CSMD1: variants seen among roughly 807,000 people sequenced by gnomAD.
CSMD1 encodes the protein CUB and sushi domain-containing protein 1.
In CSMD1, 213 loss-of-function variants were observed where a neutral mutation model predicts 417.5. The observed-to-expected ratio is 0.51, with a 90% confidence interval of 0.46 to 0.57. The LOEUF (loss-of-function observed/expected upper bound fraction) is 0.57. Ranked by LOEUF, CSMD1 falls within the 20% of genes least tolerant of loss-of-function variation. The pLI is 0.00. For synonymous variants in CSMD1, 2,862 were observed against 1,736.8 expected (o/e 1.65, Z -16.11); for missense variants, 6,923 against 4,529.7 (o/e 1.53, Z -15.17).
intron 3 of CSMD1, among the ~76,000 whole-genome samples, chr8:4,291,865 G>C (rs1021943732): frequency 1.3e-5 from 2 of 152,158 alleles, no homozygotes; most frequent in Admixed American, 6.5e-5. Flanking sequence ...TGTGAAATTA[G>C]AAGTTTCCTT....
intron 11 of CSMD1, among the ~76,000 whole-genome samples, chr8:3,474,829 T>C (rs919673399): frequency 6.6e-6 from 1 of 152,210 alleles, no homozygotes; most frequent in East Asian, 1.9e-4. Flanking sequence ...GTTGACTCTA[T>C]AGTACATATT....
At chr8:4,795,020 A>T (rs1411309929) in intron 1 of CSMD1, among the ~76,000 whole-genome samples, 4 of 151,614 alleles carry the variant, frequency 2.6e-5, no homozygotes. Flanking sequence ...AAGGTCAAAG[A>T]AAGATGTGGG....
chr8:3,307,284 T>G (rs745629016), intron 25 of CSMD1, among the ~76,000 whole-genome samples: 6 of 151,608 alleles, frequency 4.0e-5, no homozygotes, highest in Non-Finnish European at 7.4e-5. Flanking sequence ...AGAAGCCTGG[T>G]GTGCAGGGGC....
chr8:3,198,358 G>C (rs1421875674), intron 33 of CSMD1, among the ~76,000 whole-genome samples: 1 of 152,224 alleles, frequency 6.6e-6, no homozygotes, highest in African/African-American at 2.4e-5. Flanking sequence ...GTCTAAACGT[G>C]ATTCTGCTTT....
intron 26 of CSMD1, among the ~76,000 whole-genome samples, chr8:3,246,185 C>T (rs1271196119): frequency 1.3e-5 from 2 of 152,126 alleles, no homozygotes; most frequent in Non-Finnish European, 2.9e-5. Context: ...ACACCTGGAT[C>T]TGCTGGTCCC....
chr8:4,233,617 T>G (rs934232215), intron 3 of CSMD1, among the ~76,000 whole-genome samples: 59 of 152,242 alleles, frequency 3.9e-4, no homozygotes, highest in African/African-American at 1.3e-3. Context: ...CAGGACACCT[T>G]GATCTTGGAC....
At chr8:3,898,604 G>A (rs569984447) in intron 5 of CSMD1, among the ~76,000 whole-genome samples, 2 of 152,316 alleles carry the variant, frequency 1.3e-5, no homozygotes, top group East Asian at 3.9e-4. Flanking sequence ...CCTGGGGGCT[G>A]AATGTTTACT....
At chr8:4,294,757 A>G (rs1797568459) in intron 3 of CSMD1, among the ~76,000 whole-genome samples, 1 of 152,064 alleles carries the variant, frequency 6.6e-6, no homozygotes, top group Non-Finnish European at 1.5e-5. Context: ...ATGACTTTCT[A>G]AATTTATTTG....
intron 1 of CSMD1, among the ~76,000 whole-genome samples, chr8:4,640,120 A>G (rs1274994029): frequency 1.3e-5 from 2 of 152,236 alleles, no homozygotes; most frequent in South Asian, 2.1e-4. Context: ...ATGAACAGAT[A>G]TGAAGATTTC....
Position 2,973,367 on chromosome 8 carries a change from C to G in CSMD1, c.8741-68G>C, listed in dbSNP as rs544826560. 23 of 1,453,212 alleles carry G rather than the reference C, an allele frequency of 1.6e-5. No individual in the cohort carries two copies. In the African/African-American group the frequency reaches 3.1e-4, roughly 20 times the overall value. The allele number at this position is 1,453,212 out of a possible 1,614,324, so 90.0% of individuals were successfully genotyped here. Reference sequence around the variant, plus strand: ...ACTTGTTTTAAGCAGAGTTGTCACACTTAAAGATAATGAAAAGTTGTTGAA... The same window carrying G: ...ACTTGTTTTAAGCAGAGTTGTCACAGTTAAAGATAATGAAAAGTTGTTGAA... On this transcript the variant is annotated intron_variant, in intron 56 of 69. Transcript: ENST00000635120.
intron 1 of CSMD1, among the ~76,000 whole-genome samples, chr8:4,840,350 A>G (rs1800770972): frequency 6.6e-6 from 1 of 152,244 alleles, no homozygotes; most frequent in Non-Finnish European, 1.5e-5. Flanking sequence ...TAATGCAATG[A>G]TGATAACTGT....
At chr8:4,415,411 G>C (rs1034277289) in intron 3 of CSMD1, among the ~76,000 whole-genome samples, 1 of 152,192 alleles carries the variant, frequency 6.6e-6, no homozygotes, top group African/African-American at 2.4e-5. Context: ...TTGACACAAA[G>C]TAGGCATTTA....
intron 18 of CSMD1, among the ~76,000 whole-genome samples, chr8:3,375,681 A>G (rs949270534): frequency 6.6e-6 from 1 of 152,156 alleles, no homozygotes; most frequent in African/African-American, 2.4e-5. Context: ...GTCCAGCTGC[A>G]TAGGAGAGAT....
chr8:3,381,270 G>GA (rs11439047), intron 18 of CSMD1, among the ~76,000 whole-genome samples: 3,241 of 145,748 alleles, frequency 0.022, 138 homozygotes, highest in South Asian at 0.19. Context: ...CTACCCACAT[G>GA]AAAAAAAAAA....
Position 4,495,351 on chromosome 8 carries a change from G to A in CSMD1, c.303-75286C>T, listed in dbSNP as rs1226726007. Among the ~76,000 whole-genome samples the A allele has an allele frequency of 6.6e-5, 10 of 152,244 alleles. No homozygotes were observed. In the South Asian group the frequency reaches 8.3e-4, roughly 13 times the overall value. On this transcript the variant is annotated intron_variant, in intron 2 of 69. Coordinates refer to ENST00000635120, the MANE Select transcript of CSMD1 (RefSeq NM_033225.6). ...AGCACTTTGGGAGGCTGAGGCGGGC[G>A]GATCACGAAGTCAAGGGTTCGAGAC... is the stretch of plus-strand genomic sequence containing the variant.
At chr8:3,118,981 C>T (rs1338184198) in intron 41 of CSMD1, among the ~76,000 whole-genome samples, 1 of 152,138 alleles carries the variant, frequency 6.6e-6, no homozygotes, top group Non-Finnish European at 1.5e-5. Flanking sequence ...GAGATCAAGA[C>T]CATCCTGGCT....
intron 1 of CSMD1, among the ~76,000 whole-genome samples, chr8:4,700,610 A>C (rs1461041869): frequency 6.6e-6 from 1 of 152,190 alleles, no homozygotes; most frequent in Non-Finnish European, 1.5e-5. Flanking sequence ...GGGTATCATT[A>C]ACAGAAACAA....
intron 3 of CSMD1, among the ~76,000 whole-genome samples, chr8:4,332,861 T>G (rs1272380179): frequency 6.6e-6 from 1 of 151,616 alleles, no homozygotes; most frequent in Non-Finnish European, 1.5e-5. Context: ...CCCAATCATC[T>G]ACACAAAGGA....
At chr8:3,832,233 C>T (rs1021874348) in intron 5 of CSMD1, among the ~76,000 whole-genome samples, 5 of 152,170 alleles carry the variant, frequency 3.3e-5, no homozygotes, top group Non-Finnish European at 1.5e-5. Context: ...AGACCTGGTA[C>T]CTGAAGTCCT....
Sources: gnomAD v4.1 joint callset for allele counts (sites outside exome capture counted in the v4.1 genomes callset) on GRCh38, gnomAD v4.1.1 for gene constraint, MANE v1.5 for transcripts, NCBI Gene and HGNC (gene_info 2026-07-23, HGNC 2026-07-21) for gene names.